The following C17orf113 variants were observed in gnomAD, a reference collection of about 807,000 sequenced individuals.
C17orf113 encodes chromosome 17 open reading frame 113, also known as uncharacterized protein C17orf113.
Under a neutral mutation model 11.6 loss-of-function variants are expected in C17orf113, and 5 were observed. That is an observed-to-expected ratio of 0.43 (90% CI 0.23 to 0.91). The LOEUF (loss-of-function observed/expected upper bound fraction) is 0.91, where lower values mean the gene tolerates loss of function less well. C17orf113 is among the 40% of genes least tolerant of loss of function. C17orf113 has a pLI of 0.26. For synonymous variants in C17orf113, 327 were observed against 390.6 expected (o/e 0.84, Z 1.92); for missense variants, 714 against 841.3 (o/e 0.85, Z 1.87).
At position 42,040,235 on chromosome 17, in the gene C17orf113, T is replaced by C; in HGVS notation, c.1498A>G (p.Lys500Glu). The change falls in exon 3 of 3, where the codon AAG becomes GAG. Residue 500 changes from lysine (K) to glutamate (E), a missense_variant. By Grantham distance (56) the Lys-to-Glu change is moderately conservative. This residue lies in a region of C17orf113 where 516 missense variants were observed against 626.6 expected (regional missense o/e 0.82). Transcript: ENST00000587304. ...CCGGGGTAGGAGTCCTGTAGGCCCT[T>C]CCGCATGGAGTCCAGGAAGGATCCC... ...LRGSFLDSMR[K>E]GLQDSYPGPS... The C allele has an allele frequency of 8.1e-7, 1 of 1,231,530 alleles. No homozygotes were observed. 76.3% of individuals were successfully genotyped at this position (1,231,530 alleles called of 1,614,324 possible).
At chr17:42,041,299 A>T (rs2053015393) in intron 2 of C17orf113, 110 bp from the exon 3 acceptor site, 2 of 959,734 alleles carry the variant, frequency 2.1e-6, no homozygotes, top group African/African-American at 1.7e-5. Context: ...GAGGTTAGAC[A>T]GACTTAGGGA....
chr17:42,047,810 T>C (rs151297488), intron 1 of C17orf113, among the ~76,000 whole-genome samples: 1,555 of 151,922 alleles, frequency 0.01, 29 homozygotes, highest in African/African-American at 0.036. Flanking sequence ...CGCACCACCA[T>C]GCCCAGCTAA....
intron 1 of C17orf113, 109 bp from the exon 2 acceptor site, chr17:42,043,672 G>C (rs901658451): frequency 1.5e-5 from 4 of 269,202 alleles, no homozygotes; most frequent in Middle Eastern, 1.1e-3. Flanking sequence ...CAGCTGAGGG[G>C]TGGAGGGACT....
At chr17:42,047,819 A>C (rs1294141677) in intron 1 of C17orf113, among the ~76,000 whole-genome samples, 1 of 151,360 alleles carries the variant, frequency 6.6e-6, no homozygotes, top group African/African-American at 2.4e-5. Flanking sequence ...ATGCCCAGCT[A>C]ATTTTTTGTA....
chr17:42,043,448 G>C lies in C17orf113; in HGVS notation c.-72C>G, dbSNP rs981756404. On this transcript the variant is annotated 5_prime_UTR_variant, in exon 2 of 3. Transcript: ENST00000587304. ...TGCCCCCCTGCCTCCCCCACACACA[G>C]GCACCTCCCTTGACAAGGAGAGTTG... 5.7e-5 allele frequency: 68 copies of C among 1,198,114 alleles called. No homozygotes were observed. Among genetic ancestry groups the C allele is most frequent in the Non-Finnish European group, 7.1e-5 (68 of 957,794 alleles). The allele number at this position is 1,198,114 out of a possible 1,614,324, so 74.2% of individuals were successfully genotyped here. A position where few individuals can be genotyped will look rare whatever the true frequency, so the allele number is the denominator to read the frequency against.
intron 1 of C17orf113, among the ~76,000 whole-genome samples, chr17:42,045,211 C>T (rs2053130780): frequency 1.3e-5 from 2 of 152,150 alleles, no homozygotes; most frequent in South Asian, 4.1e-4. Flanking sequence ...GCCACCGCGC[C>T]CAGCCAATTT....
Position 42,040,783 on chromosome 17 carries a change from A to G in C17orf113, c.950T>C (p.Leu317Ser). 1 of 1,232,358 alleles carries G rather than the reference A, an allele frequency of 8.1e-7. No homozygotes were observed. Among genetic ancestry groups the G allele is most frequent in the Non-Finnish European group, 1.0e-6 (1 of 988,094 alleles). 76.3% of individuals were successfully genotyped at this position (1,232,358 alleles called of 1,614,324 possible). The change falls in exon 3 of 3, where the codon TTG becomes TCG. Residue 317 changes from leucine to serine, a missense_variant. By Grantham distance (145) the Leu-to-Ser change is moderately radical (BLOSUM62 -2). This residue lies in a region of C17orf113 where 516 missense variants were observed against 626.6 expected (regional missense o/e 0.82). Coordinates refer to ENST00000587304, the MANE Select transcript of C17orf113 (RefSeq NM_001358661.2). ...ACCATGGAGGCGGAATAGGGCATCC[A>G]ATATGCTCTCATATTGACCCAAGTA... ...PAYLGQYESI[L>S]DALFRLHGGP...
chr17:42,040,883 G>T lies in C17orf113; in HGVS notation c.850C>A (p.Gln284Lys). ...AGCAGTGGGCAAGTGGCCCGGAGCT[G>T]TGGGCCCACACTCCCCAGGCGCTCA... ...PSERLGSVGP[Q>K]LRATCPLLAE... Residue 284 changes from glutamine to lysine, a missense_variant, in exon 3 of 3, where the codon CAG becomes AAG. Coordinates refer to ENST00000587304, the MANE Select transcript of C17orf113 (RefSeq NM_001358661.2). The T allele has an allele frequency of 8.1e-7, 1 of 1,232,298 alleles. No individual in the cohort carries two copies. Among genetic ancestry groups the T allele is most frequent in the Non-Finnish European group, 1.0e-6 (1 of 988,050 alleles). The allele number at this position is 1,232,298 out of a possible 1,614,324, so 76.3% of individuals were successfully genotyped here. A position where few individuals can be genotyped will look rare whatever the true frequency, so the allele number is the denominator to read the frequency against.
intron 1 of C17orf113, among the ~76,000 whole-genome samples, chr17:42,047,723 G>A (rs2053196576): frequency 1.3e-5 from 2 of 150,286 alleles, no homozygotes; most frequent in South Asian, 2.1e-4. Context: ...GTGTGATCTC[G>A]GCTCACTGCA....
chr17:42,045,742 G>A (rs1356763923), intron 1 of C17orf113, among the ~76,000 whole-genome samples: 2 of 152,086 alleles, frequency 1.3e-5, no homozygotes, highest in Non-Finnish European at 2.9e-5. Flanking sequence ...ATTTCCCCCA[G>A]ACTCATCCCT....
At position 42,039,976 on chromosome 17, in the gene C17orf113, G is replaced by C. The variant is rs2052971680; in HGVS notation, c.1757C>G (p.Ala586Gly). Residue 586 changes from alanine (A) to glycine (G), a missense_variant, in exon 3 of 3, where the codon GCG becomes GGG. Around this residue, in one of 3 missense-constraint regions of C17orf113, gnomAD observed 194 missense variants for 197.2 expected, o/e 0.98. Transcript: ENST00000587304. ...GAAGAGCTCGTGCAGCTCCGAGTGC[G>C]CGCACGCCAGCTGGGTGCACAGGGC... The part of the protein sequence containing the change: ...PRALCTQLAC[A>G]HSELHELFPD... 4 of 1,231,052 alleles carry C rather than the reference G, an allele frequency of 3.2e-6. No individual in the cohort carries two copies. The African/African-American group carries it at 4.7e-5, about 14-fold the overall frequency. 76.3% of individuals were successfully genotyped at this position (1,231,052 alleles called of 1,614,324 possible).
rs555951789 is a variant in C17orf113 at position 42,045,591 on chromosome 17, A to G, written c.-187-2028T>C. 1.2e-3 allele frequency among the ~76,000 whole-genome samples: 188 copies of G among 152,330 alleles called. 2 individuals are homozygous for G. Among genetic ancestry groups the G allele is most frequent in the Non-Finnish European group, 2.0e-3 (137 of 68,026 alleles). On this transcript the variant is annotated intron_variant, in intron 1 of 2. Transcript: ENST00000587304. ...AGCAATAAGTAGCTGAGGCTCAATC[A>G]GAGTGACCTCCTGACCCCAAAGGCT...
intron 2 of C17orf113, among the ~76,000 whole-genome samples, chr17:42,041,765 A>G (rs2053027884): frequency 6.6e-6 from 1 of 152,030 alleles, no homozygotes. Context: ...GATGAGATCC[A>G]ACTCCCCCAC....
Position 42,039,577 on chromosome 17 carries a change from T to C in C17orf113, c.*128A>G. ...TGGTGGGAAGCTCCAGAAGGGCGGG[T>C]GGATGGCCTCAGGCCCCTGGGAGGC... On this transcript the variant is annotated 3_prime_UTR_variant, in exon 3 of 3. Coordinates refer to ENST00000587304, the MANE Select transcript of C17orf113 (RefSeq NM_001358661.2). 1.1e-6 allele frequency: 1 copy of C among 872,860 alleles called. No homozygotes were observed. 54.1% of individuals were successfully genotyped at this position (872,860 alleles called of 1,614,324 possible). A position where few individuals can be genotyped will look rare whatever the true frequency, so the allele number is the denominator to read the frequency against.
At chr17:42,045,460 C>T (rs141486341) in intron 1 of C17orf113, among the ~76,000 whole-genome samples, 6 of 152,352 alleles carry the variant, frequency 3.9e-5, no homozygotes, top group East Asian at 1.9e-4. Flanking sequence ...TGCTTTACAA[C>T]GATCCAGGGT....
rs1331231366 is a variant in C17orf113 at position 42,038,342 on chromosome 17, C to T, written c.*1363G>A. ...CTAACTATCCTCCCTCCCTCCAGAT[C>T]CCCAGGATTTCATGGCCAGGGCTGA... On this transcript the variant is annotated 3_prime_UTR_variant, in exon 3 of 3. Coordinates refer to ENST00000587304, the MANE Select transcript of C17orf113 (RefSeq NM_001358661.2). 4 of 401,332 alleles carry T rather than the reference C, an allele frequency of 1.0e-5. No individual in the cohort carries two copies. Among genetic ancestry groups the T allele is most frequent in the Non-Finnish European group, 1.8e-5 (4 of 224,476 alleles). The allele number at this position is 401,332 out of a possible 1,614,324, so 24.9% of individuals were successfully genotyped here.
chr17:42,039,878 G>A lies in C17orf113; in HGVS notation c.1855C>T (p.Arg619Cys), dbSNP rs2052966570. The A allele has an allele frequency of 8.1e-7, 1 of 1,231,306 alleles. No individual in the cohort carries two copies. The highest frequency in any genetic ancestry group is 1.0e-6 in the Non-Finnish European group (1 of 987,620). 76.3% of individuals were successfully genotyped at this position (1,231,306 alleles called of 1,614,324 possible). ...CCCCACCACCGCAGCTCCCGGCTGC[G>A]GCCGACCTTGTCCAGCAGGCCAGCG... ...AGAGLLDKVGRSRELRWWGQS... is the reference protein window; with the variant it reads ...AGAGLLDKVGCSRELRWWGQS... The change falls in exon 3 of 3, where the codon CGC becomes TGC. Residue 619 changes from arginine to cysteine, a missense_variant. Arg to Cys is a radical substitution (Grantham distance 180). Transcript: ENST00000587304.
intron 2 of C17orf113, among the ~76,000 whole-genome samples, chr17:42,042,556 A>T (rs1555656235): frequency 6.6e-6 from 1 of 152,084 alleles, no homozygotes; most frequent in African/African-American, 2.4e-5. Flanking sequence ...CTGTGGGTCA[A>T]TCAAGCCTCC....
At position 42,040,922 on chromosome 17, in the gene C17orf113, A is replaced by G; in HGVS notation, c.811T>C (p.Ser271Pro). The change falls in exon 3 of 3, where the codon TCA (serine) becomes CCA (proline). Residue 271 changes from serine (S) to proline (P), a missense_variant. Ser to Pro is a moderately conservative substitution (Grantham distance 74, BLOSUM62 -1). This residue lies in a region of C17orf113 where 516 missense variants were observed against 626.6 expected (regional missense o/e 0.82). Transcript: ENST00000587304. The stretch of plus-strand genomic sequence containing the variant: ...CCCAGGCGCTCACTGGGGAGGCTTG[A>G]GCTGAGCCAGGCCAGCTTGGGTGCA... The part of the protein sequence containing the change: ...VSAPKLAWLS[S>P]SLPSERLGSV... 2 of 1,232,164 alleles carry G rather than the reference A, an allele frequency of 1.6e-6. No homozygotes were observed. The highest frequency in any genetic ancestry group is 3.2e-5 in the East Asian group (1 of 31,702). The allele number at this position is 1,232,164 out of a possible 1,614,324, so 76.3% of individuals were successfully genotyped here.
Sources: gnomAD v4.1 joint callset for allele counts (sites outside exome capture counted in the v4.1 genomes callset) on GRCh38, gnomAD v4.1.1 for gene constraint, gnomAD v4.1.1 regional missense constraint, MANE v1.5 for transcripts, NCBI Gene and HGNC (gene_info 2026-07-23, HGNC 2026-07-21) for gene names.